Variants in ZNF740 observed in about 807,000 individuals in gnomAD.
ZNF740 encodes the protein zinc finger protein 740.
ZNF740 carries 14 observed loss-of-function variants against 24.8 expected under a neutral mutation model. The observed-to-expected ratio is 0.56, with a 90% CI of 0.37 to 0.88. The LOEUF is 0.88. ZNF740 is among the 40% of genes least tolerant of loss of function. The probability of loss-of-function intolerance (pLI) is 0.00; values close to 1 mark genes in which losing one functional copy is unlikely to be tolerated. For synonymous variants in ZNF740, 69 were observed against 84.0 expected (o/e 0.82, Z 0.98); for missense variants, 201 against 247.9 (o/e 0.81, Z 1.27).
Position 53,190,213 on chromosome 12 carries a change from G to A in ZNF740, c.*2623G>A, listed in dbSNP as rs555978585. On this transcript the variant is annotated 3_prime_UTR_variant, in exon 7 of 7. Coordinates refer to ENST00000416904, the MANE Select transcript of ZNF740 (RefSeq NM_001004304.4). ...GAAAGGAGTGATTTGGCATCCAGAG[G>A]GCCCGGGAGCCCCACGGATACCCCA... The A allele has an allele frequency of 7.9e-5, 12 of 152,672 alleles. No homozygotes were observed. The highest frequency in any genetic ancestry group is 2.9e-4 in the African/African-American group (12 of 41,568). 9.5% of individuals were successfully genotyped at this position (152,672 alleles called of 1,614,324 possible). A position where few individuals can be genotyped will look rare whatever the true frequency, so the allele number is the denominator to read the frequency against.
Position 53,191,732 on chromosome 12 carries a change from C to G in ZNF740, c.*4142C>G, listed in dbSNP as rs768565917. On this transcript the variant is annotated 3_prime_UTR_variant, in exon 7 of 7. Transcript: ENST00000416904. ...CCAGCCTTGAGCCGAATCCTAGGAG[C>G]TGATGGAAGTTAGCAGAGGGGTTGG... 10 of 1,517,056 alleles carry G rather than the reference C, an allele frequency of 6.6e-6. No homozygotes were observed. In the South Asian group the frequency reaches 6.8e-5, roughly 10 times the overall value. 94.0% of individuals were successfully genotyped at this position (1,517,056 alleles called of 1,614,324 possible).
chr12:53,184,846 C>A, intron 2 of ZNF740, 45 bp from the exon 3 acceptor site: 1 of 1,584,534 alleles, frequency 6.3e-7, no homozygotes, highest in Non-Finnish European at 8.6e-7. Flanking sequence ...CTGTTTTTGC[C>A]CTGCCCTGCC....
intron 2 of ZNF740, among the ~76,000 whole-genome samples, chr12:53,184,008 A>C (rs1229168742): frequency 2.0e-5 from 3 of 151,570 alleles, no homozygotes; most frequent in Admixed American, 6.6e-5. Flanking sequence ...TGGGCGACAG[A>C]GTGACACCCT....
chr12:53,191,577 C>T lies in ZNF740; in HGVS notation c.*3987C>T. 2 of 1,613,400 alleles carry T rather than the reference C, an allele frequency of 1.2e-6. No individual in the cohort carries two copies. Among genetic ancestry groups the T allele is most frequent in the Non-Finnish European group, 1.7e-6 (2 of 1,179,360 alleles). On this transcript the variant is annotated 3_prime_UTR_variant, in exon 7 of 7. Transcript: ENST00000416904. ...TCCTTCAGAGAGTGGGACTGTCTGC[C>T]TCTTGAAAGCGAGGATTGATGGTGG...
At position 53,194,230 on chromosome 12, in the gene ZNF740, C is replaced by G. The variant is rs1479185765; in HGVS notation, c.*6640C>G. 6.2e-7 allele frequency: 1 copy of G among 1,613,990 alleles called. No homozygotes were observed. The highest frequency in any genetic ancestry group is 8.5e-7 in the Non-Finnish European group (1 of 1,180,032). The stretch of plus-strand genomic sequence containing the variant: ...TTGATTCGGACGTGGTTGCACTGTC[C>G]TCGATCCTCAGCCTTACCCTCCCTC... On this transcript the variant is annotated 3_prime_UTR_variant, in exon 7 of 7. Coordinates refer to ENST00000416904, the MANE Select transcript of ZNF740 (RefSeq NM_001004304.4).
In ZNF740 at chr12:53,192,238, C is replaced by G; in HGVS notation, c.*4648C>G. ...GGATTCACAGTTCTGCTTCAGCCCC[C>G]AGCCTGTTTCCCATTATCTTCACTC... On this transcript the variant is annotated 3_prime_UTR_variant, in exon 7 of 7. Coordinates refer to ENST00000416904, the MANE Select transcript of ZNF740 (RefSeq NM_001004304.4). 3 of 1,391,650 alleles carry G rather than the reference C, an allele frequency of 2.2e-6. No individual in the cohort carries two copies. Among genetic ancestry groups the G allele is most frequent in the East Asian group, 2.3e-5 (1 of 43,526 alleles). The allele number at this position is 1,391,650 out of a possible 1,614,324, so 86.2% of individuals were successfully genotyped here. A position where few individuals can be genotyped will look rare whatever the true frequency, so the allele number is the denominator to read the frequency against.
rs1303328077 is a variant in ZNF740, at chr12:53,191,247, CAA to C, written c.*3658_*3659del. 5.4e-6 allele frequency: 2 copies of C among 370,102 alleles called. No individual in the cohort carries two copies. Among genetic ancestry groups the C allele is most frequent in the Non-Finnish European group, 1.0e-5 (2 of 193,378 alleles). 22.9% of individuals were successfully genotyped at this position (370,102 alleles called of 1,614,324 possible). A position where few individuals can be genotyped will look rare whatever the true frequency, so the allele number is the denominator to read the frequency against. ...CCTCAGGTGGCAAGAGGAGGATGGA[CAA>C]GAGCTTTCCCGAGGCCCAGGCTATA... On this transcript the variant is annotated 3_prime_UTR_variant, in exon 7 of 7. Coordinates refer to ENST00000416904, the MANE Select transcript of ZNF740 (RefSeq NM_001004304.4).
chr12:53,184,738 C>T (rs1941789984), intron 2 of ZNF740, among the ~76,000 whole-genome samples, 153 bp from the exon 3 acceptor site: 1 of 152,140 alleles, frequency 6.6e-6, no homozygotes, highest in African/African-American at 2.4e-5. Flanking sequence ...AGGGAGGACT[C>T]TTGAAGGAAG....
Position 53,191,441 on chromosome 12 carries a change from A to C in ZNF740, c.*3851A>C, listed in dbSNP as rs1592393092. ...GAAAATGAAGTAGGGTGGTGGCCGC[A>C]CCTCGCCAGTGAATTAGTCCCCTAC... On this transcript the variant is annotated 3_prime_UTR_variant, in exon 7 of 7. Coordinates refer to ENST00000416904, the MANE Select transcript of ZNF740 (RefSeq NM_001004304.4). The C allele has an allele frequency of 1.2e-6, 1 of 836,072 alleles. No individual in the cohort carries two copies. The highest frequency in any genetic ancestry group is 2.1e-6 in the Non-Finnish European group (1 of 484,380). The allele number at this position is 836,072 out of a possible 1,614,324, so 51.8% of individuals were successfully genotyped here. A position where few individuals can be genotyped will look rare whatever the true frequency, so the allele number is the denominator to read the frequency against.
In ZNF740 at chr12:53,190,714, G is replaced by A. The variant is rs1941917984; in HGVS notation, c.*3124G>A. ...TTTTTAAATAATATTTTGCTATGGG[G>A]GAGGGGAATATCAAATGGACAAGAT... On this transcript the variant is annotated 3_prime_UTR_variant, in exon 7 of 7. Transcript: ENST00000416904. 1.3e-5 allele frequency: 2 copies of A among 151,486 alleles called. No individual in the cohort carries two copies. Among genetic ancestry groups the A allele is most frequent in the African/African-American group, 2.4e-5 (1 of 41,194 alleles). 9.4% of individuals were successfully genotyped at this position (151,486 alleles called of 1,614,324 possible). A position where few individuals can be genotyped will look rare whatever the true frequency, so the allele number is the denominator to read the frequency against.
In ZNF740 at chr12:53,192,798, G is replaced by A. The variant is rs747564956; in HGVS notation, c.*5208G>A. On this transcript the variant is annotated 3_prime_UTR_variant, in exon 7 of 7. Coordinates refer to ENST00000416904, the MANE Select transcript of ZNF740 (RefSeq NM_001004304.4). ...TGCATTTGCAGCGTCCATGCCCACT[G>A]CAGAGCCCTCCCTCGGGACTGATGC... 1.2e-6 allele frequency: 2 copies of A among 1,614,242 alleles called. No individual in the cohort carries two copies. Among genetic ancestry groups the A allele is most frequent in the Admixed American group, 3.3e-5 (2 of 60,032 alleles).
In ZNF740 at chr12:53,189,269, C is replaced by G. The variant is rs1226065568; in HGVS notation, c.*1679C>G. 1 of 152,174 alleles carries G rather than the reference C, an allele frequency of 6.6e-6. No homozygotes were observed. The highest frequency in any genetic ancestry group is 2.4e-5 in the African/African-American group (1 of 41,430). 9.4% of individuals were successfully genotyped at this position (152,174 alleles called of 1,614,324 possible). On this transcript the variant is annotated 3_prime_UTR_variant, in exon 7 of 7. Transcript: ENST00000416904. ...AGTTTTGGGGTTTGGTTGACCCCCA[C>G]TGTAACCTGACCTGACCTGTGGCGG...
In ZNF740 at chr12:53,193,621, G is replaced by C. The variant is rs3817537; in HGVS notation, c.*6031G>C. On this transcript the variant is annotated 3_prime_UTR_variant, in exon 7 of 7. Transcript: ENST00000416904. ...TCGGGATGTCGAGGAGACTCCTGTG[G>C]GGGGGATGGAAAGCAGCGGAGGAAT... 8.4e-4 allele frequency: 998 copies of C among 1,192,962 alleles called. 11 individuals are homozygous for C. The East Asian group carries it at 0.022, about 26-fold the overall frequency. 73.9% of individuals were successfully genotyped at this position (1,192,962 alleles called of 1,614,324 possible). A position where few individuals can be genotyped will look rare whatever the true frequency, so the allele number is the denominator to read the frequency against.
rs1272611084 is a variant in ZNF740, at chr12:53,192,693, G to T, written c.*5103G>T. The T allele has an allele frequency of 1.2e-6, 2 of 1,612,766 alleles. No homozygotes were observed. On this transcript the variant is annotated 3_prime_UTR_variant, in exon 7 of 7. Transcript: ENST00000416904. ...AGATGCAAGACCTGAGGCCTCACCG[G>T]TGTCTCTCGCATGGTGTCTTGCAGC...
intron 2 of ZNF740, 37 bp from the exon 3 acceptor site, chr12:53,184,854 G>A (rs771310160): frequency 6.3e-7 from 1 of 1,595,336 alleles, no homozygotes; most frequent in Non-Finnish European, 8.5e-7. Context: ...GCCCTGCCCT[G>A]CCAGGTGACC....
At position 53,185,807 on chromosome 12, in the gene ZNF740, CT is replaced by C; in HGVS notation, c.250-146del. 10 of 1,129,778 alleles carry C rather than the reference CT, an allele frequency of 8.9e-6. No homozygotes were observed. In the South Asian group the frequency reaches 1.7e-4, roughly 19 times the overall value. 70.0% of individuals were successfully genotyped at this position (1,129,778 alleles called of 1,614,324 possible). A position where few individuals can be genotyped will look rare whatever the true frequency, so the allele number is the denominator to read the frequency against. Reference sequence around the variant, plus strand: ...CCTCCTTCCCCAAAGGGTCTCTTACCTCCATGGAGTACAGGAGATGGCAGCA... The same window carrying C: ...CCTCCTTCCCCAAAGGGTCTCTTACCCCATGGAGTACAGGAGATGGCAGCA... On this transcript the variant is annotated intron_variant, in intron 4 of 6. Coordinates refer to ENST00000416904, the MANE Select transcript of ZNF740 (RefSeq NM_001004304.4).
In ZNF740 at chr12:53,194,482, C is replaced by T. The variant is rs914289468; in HGVS notation, c.*6892C>T. The stretch of plus-strand genomic sequence containing the variant: ...TGGGGCTCCTTCCATTCTGCCCAGT[C>T]GAGGCATTTCTGGAGGGAGGACCCG... On this transcript the variant is annotated 3_prime_UTR_variant, in exon 7 of 7. Coordinates refer to ENST00000416904, the MANE Select transcript of ZNF740 (RefSeq NM_001004304.4). 1.6e-5 allele frequency: 13 copies of T among 797,326 alleles called. No individual in the cohort carries two copies. Among genetic ancestry groups the T allele is most frequent in the Non-Finnish European group, 2.2e-5 (11 of 499,188 alleles). 49.4% of individuals were successfully genotyped at this position (797,326 alleles called of 1,614,324 possible). A position where few individuals can be genotyped will look rare whatever the true frequency, so the allele number is the denominator to read the frequency against.
chr12:53,185,563 C>A, intron 4 of ZNF740, 87 bp downstream of exon 4: 1 of 1,258,268 alleles, frequency 7.9e-7, no homozygotes. Context: ...TAACCTGGAG[C>A]TTTCCCTAGA....
In ZNF740 at chr12:53,185,964, T is replaced by C; in HGVS notation, c.260T>C (p.Val87Ala). The C allele has an allele frequency of 6.2e-7, 1 of 1,613,772 alleles. No homozygotes were observed. Among genetic ancestry groups the C allele is most frequent in the Non-Finnish European group, 8.5e-7 (1 of 1,179,788 alleles). Residue 87 changes from valine to alanine, a missense_variant, in exon 5 of 7, where the codon GTG (valine) becomes GCG (alanine). This residue lies in a region of ZNF740 where 117 missense variants were observed against 122.3 expected (regional missense o/e 0.96). Transcript: ENST00000416904. Reference sequence around the variant, plus strand: ...GATTATTGCCCCCAGGTGGTGGTAGTGGAACAAAATGGTTCTTTTCAAGTA... The same window carrying C: ...GATTATTGCCCCCAGGTGGTGGTAGCGGAACAAAATGGTTCTTTTCAAGTA... Reference protein sequence around the residue: ...SKKTVKKVVVVEQNGSFQVKI... With the variant: ...SKKTVKKVVVAEQNGSFQVKI...
Sources: gnomAD v4.1 joint callset for allele counts (sites outside exome capture counted in the v4.1 genomes callset) on GRCh38, gnomAD v4.1.1 for gene constraint, gnomAD v4.1.1 regional missense constraint, MANE v1.5 for transcripts, NCBI Gene and HGNC (gene_info 2026-07-23, HGNC 2026-07-21) for gene names.